AIFM1: variants seen among roughly 807,000 people sequenced by gnomAD.
The protein encoded by AIFM1 is apoptosis-inducing factor 1, mitochondrial.
In AIFM1, 3 loss-of-function variants were observed where a neutral mutation model predicts 51.7. That is an observed-to-expected ratio of 0.06 (90% confidence interval 0.03 to 0.15). AIFM1 has a LOEUF of 0.15. AIFM1 is among the 10% of genes least tolerant of loss of function. The pLI, the probability that AIFM1 is intolerant of heterozygous loss-of-function variation, is 1.00. For missense variants in AIFM1, 330 were observed against 476.8 expected (o/e 0.69, Z 2.87); for synonymous variants, 178 against 179.4 (o/e 0.99, Z 0.06).
intron 4 of AIFM1, 40 bp from the exon 5 acceptor site, chrX:130,147,663 C>A: frequency 1.7e-6 from 2 of 1,211,725 alleles, no homozygotes; most frequent in Non-Finnish European, 2.2e-6. Flanking sequence ...AGAGCCAAGT[C>A]ATTTAAGGGG....
chrX:130,130,303 C>A, intron 14 of AIFM1, 137 bp from the exon 15 acceptor site: 1 of 707,833 alleles, frequency 1.4e-6, no homozygotes. Context: ...TTTCTCTATG[C>A]CCCCTCAGTA....
At chrX:130,133,520 T>C (rs896637030) in intron 12 of AIFM1, 65 bp from the exon 13 acceptor site, 73 of 1,168,308 alleles carry the variant, frequency 6.2e-5, no homozygotes, top group Non-Finnish European at 8.3e-5. Flanking sequence ...AAAGACAAAA[T>C]ATAAACTTTG....
intron 6 of AIFM1, among the ~76,000 whole-genome samples, chrX:130,141,031 G>A (rs867585199): frequency 3.0e-4 from 34 of 112,270 alleles, no homozygotes; most frequent in African/African-American, 1.0e-3. Flanking sequence ...CAGGAGAATC[G>A]CTTGAACCTG....
chrX:130,138,531 G>T, intron 9 of AIFM1, 62 bp downstream of exon 9: 1 of 784,056 alleles, frequency 1.3e-6, no homozygotes, highest in Non-Finnish European at 2.0e-6. Context: ...ACATCTCTGG[G>T]ATTCACAGAA....
At chrX:130,159,923 C>T (rs1758489771) in intron 1 of AIFM1, among the ~76,000 whole-genome samples, 1 of 109,522 alleles carries the variant, frequency 9.1e-6, no homozygotes, top group Admixed American at 9.8e-5. Flanking sequence ...TGGGCTCAAG[C>T]CATTCACCAG....
chrX:130,155,148 C>T lies in AIFM1; in HGVS notation c.249+1313G>A, dbSNP rs774199962. On this transcript the variant is annotated intron_variant, in intron 2 of 15. Transcript: ENST00000287295. ...ACCCCAAAATATGTTTTAGTGTAAG[C>T]ATCTTACATAATAAACTCCTGCCCC... The T allele has an allele frequency of 1.2e-5, 15 of 1,210,773 alleles. No homozygotes were observed. The highest frequency in any genetic ancestry group is 5.6e-6 in the Non-Finnish European group (5 of 894,686).
chrX:130,148,188 T>C (rs755153958), intron 3 of AIFM1, among the ~76,000 whole-genome samples: 1 of 112,146 alleles, frequency 8.9e-6, no homozygotes, highest in Admixed American at 9.5e-5. Flanking sequence ...TATACATCAG[T>C]AGGCTTTTGC....
chrX:130,164,679 G>C (rs889435667), intron 1 of AIFM1, among the ~76,000 whole-genome samples: 1 of 111,793 alleles, frequency 8.9e-6, no homozygotes, highest in African/African-American at 3.3e-5. Context: ...CTAATTACTG[G>C]GAAGAGACCC....
chrX:130,161,842 A>C (rs1371770069), intron 1 of AIFM1, among the ~76,000 whole-genome samples: 1 of 111,123 alleles, frequency 9.0e-6, no homozygotes, highest in Non-Finnish European at 1.9e-5. Flanking sequence ...TCCAACCTCA[A>C]GTGATCTGCC....
intron 6 of AIFM1, among the ~76,000 whole-genome samples, chrX:130,141,131 C>CA (rs923149627): frequency 4.5e-5 from 5 of 111,539 alleles, no homozygotes; most frequent in Admixed American, 3.8e-4. Flanking sequence ...CAAAACAAAA[C>CA]AAAAAAACCC....
intron 1 of AIFM1, among the ~76,000 whole-genome samples, chrX:130,160,672 C>A (rs1195917117): frequency 1.8e-5 from 2 of 111,681 alleles, no homozygotes; most frequent in African/African-American, 6.5e-5. Context: ...TCCACCTTAG[C>A]CTCCAGAATA....
Position 130,147,889 on chromosome X carries a change from G to T in AIFM1, c.350-13C>A. ...TCTCCTTCTGAAGCTGAAAGCAACA[G>T]AACAGACTGGATGAATCTTCTTGAA... On this transcript the variant is annotated splice_polypyrimidine_tract_variant and intron_variant, in intron 3 of 15. Coordinates refer to ENST00000287295, the MANE Select transcript of AIFM1 (RefSeq NM_004208.4). 8.3e-7 allele frequency: 1 copy of T among 1,211,085 alleles called. No individual in the cohort carries two copies. Among genetic ancestry groups the T allele is most frequent in the Non-Finnish European group, 1.1e-6 (1 of 895,133 alleles).
chrX:130,162,283 G>A (rs990443406), intron 1 of AIFM1, among the ~76,000 whole-genome samples: 14 of 111,779 alleles, frequency 1.3e-4, no homozygotes, highest in African/African-American at 4.6e-4. Context: ...TAATCCTTAC[G>A]TCAGCAAAAC....
In AIFM1 at chrX:130,156,517, C is replaced by G. The variant is rs763317252; in HGVS notation, c.193G>C (p.Asp65His). Residue 65 changes from aspartate (D) to histidine (H), a missense_variant, in exon 2 of 16, where the codon GAT becomes CAT. By Grantham distance (81) the Asp-to-His change is moderately conservative. This residue lies in a region of AIFM1 where 110 missense variants were observed against 103.1 expected (regional missense o/e 1.07). Transcript: ENST00000287295. ...ASSGASGGKI[D>H]NSVLVLIVGL... ...ACAATAAGGACTAACACAGAATTAT[C>G]GATTTTGCCCCCTGATGCACCAGAG... 3 of 1,209,861 alleles carry G rather than the reference C, an allele frequency of 2.5e-6. No homozygotes were observed. The highest frequency in any genetic ancestry group is 3.5e-5 in the African/African-American group (2 of 57,173).
chrX:130,131,568 G>C, intron 14 of AIFM1, 107 bp downstream of exon 14: 1 of 1,066,650 alleles, frequency 9.4e-7, no homozygotes, highest in South Asian at 1.9e-5. Context: ...CATGAAGAGA[G>C]GCTTTCACTG....
At chrX:130,155,893 C>T (rs771842543) in intron 2 of AIFM1, among the ~76,000 whole-genome samples, 2 of 112,110 alleles carry the variant, frequency 1.8e-5, no homozygotes, top group Non-Finnish European at 3.8e-5. Context: ...TACTACATAG[C>T]AATTAAACAC....
intron 2 of AIFM1, among the ~76,000 whole-genome samples, chrX:130,150,326 CTTTTTTTTTT>C (rs755785211): frequency 6.5e-5 from 4 of 61,649 alleles, no homozygotes; most frequent in Non-Finnish European, 9.3e-5. Flanking sequence ...TTATTGGAGA[CTTTTTTTTTT>C]TTTTTTTTTT....
intron 6 of AIFM1, among the ~76,000 whole-genome samples, chrX:130,144,532 C>CT (rs926073835): frequency 4.5e-5 from 5 of 111,264 alleles, no homozygotes; most frequent in Admixed American, 2.9e-4. Flanking sequence ...TTATGCTGTT[C>CT]TTTTTTACTT....
chrX:130,165,628 C>T lies in AIFM1; in HGVS notation c.29G>A (p.Gly10Asp), dbSNP rs143831137. The T allele has an allele frequency of 1.7e-5, 21 of 1,200,500 alleles. No individual in the cohort carries two copies. The highest frequency in any genetic ancestry group is 2.2e-5 in the Admixed American group (1 of 45,070). Residue 10 changes from glycine (G) to aspartate (D), a missense_variant, in exon 1 of 16, where the codon GGT (glycine) becomes GAT (aspartate). Around this residue, in one of 4 missense-constraint regions of AIFM1, gnomAD observed 110 missense variants for 103.1 expected, o/e 1.07. Transcript: ENST00000287295. ...GGGCACCAGCTTCTGCTTCAAAGCA[C>T]CCGCCGCCAGGCCTCCACACCGGAA... MFRCGGLAA[G>D]ALKQKLVPLV...
Sources: allele counts gnomAD v4.1 joint callset (sites outside exome capture counted in the v4.1 genomes callset), GRCh38; gene constraint gnomAD v4.1.1; regional missense constraint gnomAD v4.1.1; transcripts MANE v1.5; gene names NCBI Gene and HGNC (gene_info 2026-07-23, HGNC 2026-07-21).